RNF141: variants seen among roughly 807,000 people sequenced by gnomAD.
RNF141 encodes the protein C3HC4-like zinc finger protein.
RNF141 carries 18 observed loss-of-function variants against 27.4 expected under a neutral mutation model. The ratio of observed to expected loss-of-function variants is 0.66; its 90% confidence interval spans 0.45 to 0.97. The LOEUF is 0.97. Ranked by LOEUF, RNF141 falls within the 50% of genes least tolerant of loss-of-function variation. The pLI, the probability that RNF141 is intolerant of heterozygous loss-of-function variation, is 0.00. For synonymous variants in RNF141, 97 were observed against 96.6 expected, an observed-to-expected ratio of 1.00 and a Z score of -0.02; for missense variants, 230 against 279.4, an observed-to-expected ratio of 0.82 and a Z score of 1.26.
intron 2 of RNF141, chr11:10,532,131 A>T (rs1849991961): frequency 3.4e-6 from 1 of 289,992 alleles, no homozygotes; most frequent in African/African-American, 2.3e-5. Context: ...AAAACTTCAT[A>T]CAATAGACAG....
At chr11:10,525,099 G>A (rs1849920662) in intron 4 of RNF141, 93 bp downstream of exon 4, 2 of 885,438 alleles carry the variant, frequency 2.3e-6, no homozygotes, top group South Asian at 2.6e-5. Context: ...AAAGATTTAA[G>A]ATGCTACAAT....
At chr11:10,536,881 A>T (rs1157694687) in intron 1 of RNF141, among the ~76,000 whole-genome samples, 1 of 152,228 alleles carries the variant, frequency 6.6e-6, no homozygotes, top group Non-Finnish European at 1.5e-5. Context: ...CTAGTCCATT[A>T]TGCTTTGCAA....
At chr11:10,538,739 A>G (rs1244544467) in intron 1 of RNF141, among the ~76,000 whole-genome samples, 4 of 152,250 alleles carry the variant, frequency 2.6e-5, no homozygotes, top group Non-Finnish European at 4.4e-5. Context: ...ATCTATTAGT[A>G]CTAGGTTGGA....
chr11:10,530,761 G>T lies in RNF141; in HGVS notation c.144-10C>A, dbSNP rs760600347. ...AGCCACTTTAGCCGTTCTGAAAAGA[G>T]ACAAGAACATGTTAATTTTATGAAA... On this transcript the variant is annotated splice_polypyrimidine_tract_variant and intron_variant, in intron 2 of 5. Coordinates refer to ENST00000265981, the MANE Select transcript of RNF141 (RefSeq NM_016422.4). 1 of 1,533,184 alleles carries T rather than the reference G, an allele frequency of 6.5e-7. No homozygotes were observed. Among genetic ancestry groups the T allele is most frequent in the Admixed American group, 1.8e-5 (1 of 54,650 alleles). The allele number at this position is 1,533,184 out of a possible 1,614,324, so 95.0% of individuals were successfully genotyped here.
At chr11:10,533,884 G>T in intron 2 of RNF141, 132 bp downstream of exon 2, 2 of 748,676 alleles carry the variant, frequency 2.7e-6, no homozygotes, top group Non-Finnish European at 4.2e-6. Context: ...TACTCAATAA[G>T]TATTTGTTAA....
At chr11:10,526,311 A>G (rs547026368) in intron 3 of RNF141, among the ~76,000 whole-genome samples, 1 of 152,312 alleles carries the variant, frequency 6.6e-6, no homozygotes, top group East Asian at 1.9e-4. Flanking sequence ...GGGCCATAAA[A>G]TTGTGACTTT....
chr11:10,526,641 A>C (rs905575977), intron 3 of RNF141, among the ~76,000 whole-genome samples: 2 of 151,934 alleles, frequency 1.3e-5, no homozygotes, highest in African/African-American at 4.8e-5. Flanking sequence ...AAATTAGCTG[A>C]GCATGGTGGC....
At chr11:10,517,348 AGAAAG>A (rs1849851035) in intron 5 of RNF141, 1 of 152,156 alleles carries the variant, frequency 6.6e-6, no homozygotes, top group African/African-American at 2.4e-5. Context: ...GACTCAAAAA[AGAAAG>A]AAAAAAATAG....
Position 10,534,139 on chromosome 11 carries a change from T to C in RNF141, c.20A>G (p.Asp7Gly). MGQQIS[D>G]QTQLVINKLP... Reference sequence around the variant, plus strand: ...CTTGTTAATAACCAACTGTGTCTGATCCGAAATTTGCTGTCCCATGATGAA... The same window carrying C: ...CTTGTTAATAACCAACTGTGTCTGACCCGAAATTTGCTGTCCCATGATGAA... The change falls in exon 2 of 6, where the codon GAT (aspartate) becomes GGT (glycine). Residue 7 changes from aspartate (D) to glycine (G), a missense_variant. Physicochemically the swap from Asp to Gly is moderately conservative, Grantham distance 94. Coordinates refer to ENST00000265981, the MANE Select transcript of RNF141 (RefSeq NM_016422.4). 6.2e-7 allele frequency: 1 copy of C among 1,613,344 alleles called. No homozygotes were observed. The highest frequency in any genetic ancestry group is 8.5e-7 in the Non-Finnish European group (1 of 1,179,594).
intron 3 of RNF141, among the ~76,000 whole-genome samples, chr11:10,529,633 G>A (rs1033182175): frequency 1.3e-5 from 2 of 152,192 alleles, no homozygotes; most frequent in African/African-American, 2.4e-5. Context: ...AATCTGATGC[G>A]AGTTGTGCTT....
chr11:10,532,099 C>T (rs1174723684), intron 2 of RNF141: 7 of 360,896 alleles, frequency 1.9e-5, no homozygotes, highest in Non-Finnish European at 1.1e-5. Flanking sequence ...TATCTAATAC[C>T]TGTATCTTTA....
In RNF141 at chr11:10,512,370, A is replaced by C. The variant is rs1385531258; in HGVS notation, c.*2546T>G. ...AGCTGTGCTCATTTATTTATTTGAT[A>C]AGGCTAATAACATTTTATATTCACA... On this transcript the variant is annotated 3_prime_UTR_variant, in exon 6 of 6. Transcript: ENST00000265981. The C allele has an allele frequency of 6.6e-6, 1 of 152,644 alleles. No individual in the cohort carries two copies. The highest frequency in any genetic ancestry group is 2.4e-5 in the African/African-American group (1 of 41,450). 9.5% of individuals were successfully genotyped at this position (152,644 alleles called of 1,614,324 possible). A position where few individuals can be genotyped will look rare whatever the true frequency, so the allele number is the denominator to read the frequency against.
At chr11:10,525,648 T>C (rs144477174) in intron 3 of RNF141, among the ~76,000 whole-genome samples, 46 of 152,316 alleles carry the variant, frequency 3.0e-4, no homozygotes, top group African/African-American at 1.1e-3. Flanking sequence ...GTAAGGTGAC[T>C]TTCTCAGAGT....
At chr11:10,518,977 T>G in intron 5 of RNF141, 57 bp downstream of exon 5, 3 of 1,330,298 alleles carry the variant, frequency 2.3e-6, no homozygotes, top group East Asian at 4.6e-5. Context: ...CAAAGTTTAT[T>G]CATGTACACT....
At chr11:10,538,236 A>G (rs7128848) in intron 1 of RNF141, among the ~76,000 whole-genome samples, 29,076 of 152,188 alleles carry the variant, frequency 0.19, 3,540 homozygotes, top group African/African-American at 0.33. Flanking sequence ...AACTCCTTGC[A>G]TTAAAATGCA....
chr11:10,518,750 A>G (rs1849862334), intron 5 of RNF141: 1 of 283,360 alleles, frequency 3.5e-6, no homozygotes, highest in Non-Finnish European at 6.6e-6. Flanking sequence ...GGAGAAAAAA[A>G]GGAGGAAAAA....
chr11:10,535,210 T>C (rs1208535409), intron 1 of RNF141, among the ~76,000 whole-genome samples: 5 of 151,826 alleles, frequency 3.3e-5, no homozygotes, highest in Non-Finnish European at 7.4e-5. Flanking sequence ...AATCAAAAAA[T>C]AAAGCTATAA....
intron 4 of RNF141, among the ~76,000 whole-genome samples, chr11:10,522,490 A>G (rs1849895640): frequency 6.6e-6 from 1 of 152,224 alleles, no homozygotes; most frequent in Non-Finnish European, 1.5e-5. Context: ...ATTTGGTTCT[A>G]TGCCTCATAC....
At chr11:10,517,184 T>A (rs766573350) in intron 5 of RNF141, 4 of 151,774 alleles carry the variant, frequency 2.6e-5, no homozygotes, top group Non-Finnish European at 5.9e-5. Flanking sequence ...ACATGAAAGA[T>A]AATAAAAACC....
Sources: gnomAD v4.1 joint callset for allele counts (sites outside exome capture counted in the v4.1 genomes callset) on GRCh38, gnomAD v4.1.1 for gene constraint, MANE v1.5 for transcripts, NCBI Gene and HGNC (gene_info 2026-07-23, HGNC 2026-07-21) for gene names.